Variants in CDKL4 observed in about 807,000 individuals in gnomAD.
CDKL4 encodes cyclin-dependent kinase-like 4.
Under a neutral mutation model 42.0 loss-of-function variants are expected in CDKL4, and 44 were observed. The observed-to-expected ratio is 1.05, with a 90% CI of 0.82 to 1.35. The LOEUF (loss-of-function observed/expected upper bound fraction) is 1.35, where lower values mean the gene tolerates loss of function less well. CDKL4 is among the 40% of genes most tolerant of loss of function. The pLI is 0.00. For synonymous variants in CDKL4, 120 were observed against 121.6 expected (o/e 0.99, Z 0.09); for missense variants, 393 against 369.9 (o/e 1.06, Z -0.51).
chr2:39,169,543 A>T, the CDKL4 span, among the ~76,000 whole-genome samples: 1 of 152,184 alleles, frequency 6.6e-6, no homozygotes, highest in Admixed American at 6.5e-5. Context: ...GTAGTGGGAG[A>T]TATGACCAGG....
At chr2:39,219,404 CTTATTTAT>C (rs35984945) in intron 3 of CDKL4, among the ~76,000 whole-genome samples, 2,903 of 148,514 alleles carry the variant, frequency 0.02, 53 homozygotes, top group Non-Finnish European at 0.031. Flanking sequence ...GAAACAGGTA[CTTATTTAT>C]TTATTTATTT....
chr2:39,219,174 T>C (rs1026994594), intron 3 of CDKL4, among the ~76,000 whole-genome samples: 1 of 152,204 alleles, frequency 6.6e-6, no homozygotes, highest in Non-Finnish European at 1.5e-5. Flanking sequence ...AGAAATTTTA[T>C]AAACTAAAAC....
intron 2 of CDKL4, among the ~76,000 whole-genome samples, chr2:39,226,446 T>TATATATATATTATATATATA (rs1491107462): frequency 1.9e-3 from 181 of 94,892 alleles, no homozygotes; most frequent in Non-Finnish European, 4.4e-3. Flanking sequence ...TTATATATAT[T>TATATATATATTATATATATA]ATATATATAT....
intron 8 of CDKL4, among the ~76,000 whole-genome samples, chr2:39,183,259 C>T (rs1413186253): frequency 1.7e-5 from 1 of 60,408 alleles, no homozygotes; most frequent in Non-Finnish European, 3.0e-5. Context: ...CAGAGCAAGA[C>T]TCTGTCTCAA....
chr2:39,201,315 A>C (rs1409179229), intron 5 of CDKL4, among the ~76,000 whole-genome samples: 1 of 151,506 alleles, frequency 6.6e-6, no homozygotes, highest in African/African-American at 2.4e-5. Context: ...AAAAAAAAAA[A>C]AACTACAGAT....
chr2:39,238,880 T>A (rs1679503845), intron 1 of CDKL4, among the ~76,000 whole-genome samples: 1 of 152,178 alleles, frequency 6.6e-6, no homozygotes, highest in Non-Finnish European at 1.5e-5. Flanking sequence ...GTCTCCCAAG[T>A]AGCTGGGATT....
chr2:39,217,416 G>A (rs1214052275), intron 3 of CDKL4, among the ~76,000 whole-genome samples: 1 of 152,134 alleles, frequency 6.6e-6, no homozygotes, highest in Admixed American at 6.6e-5. Flanking sequence ...ACCACTCAGA[G>A]GAAGACCTGA....
At chr2:39,235,147 G>A (rs1007592817) in intron 1 of CDKL4, among the ~76,000 whole-genome samples, 2 of 151,966 alleles carry the variant, frequency 1.3e-5, no homozygotes, top group African/African-American at 4.8e-5. Flanking sequence ...CAAAATGTTG[G>A]GATTATAGGC....
chr2:39,182,798 C>T (rs939704407), intron 8 of CDKL4, among the ~76,000 whole-genome samples: 6 of 152,166 alleles, frequency 3.9e-5, no homozygotes, highest in African/African-American at 1.4e-4. Flanking sequence ...AAAGATTGTG[C>T]TCATGGTCTC....
chr2:39,215,486 A>C (rs1677861703), intron 3 of CDKL4, among the ~76,000 whole-genome samples: 1 of 152,228 alleles, frequency 6.6e-6, no homozygotes, highest in Non-Finnish European at 1.5e-5. Context: ...CTGAAACATA[A>C]GAGTTTCTTT....
the CDKL4 span, among the ~76,000 whole-genome samples, chr2:39,168,600 T>C: frequency 6.6e-6 from 1 of 151,604 alleles, no homozygotes; most frequent in Admixed American, 6.6e-5. Context: ...CTGGGTGTGG[T>C]GGCTCATATC....
chr2:39,185,231 CGTATATATACATATAT>C (rs1675678890), intron 7 of CDKL4, among the ~76,000 whole-genome samples: 1 of 4,494 alleles, frequency 2.2e-4, no homozygotes, highest in Admixed American at 1.5e-3. Context: ...TATACACATA[CGTATATATACATATAT>C]ACACATATGT....
intron 1 of CDKL4, among the ~76,000 whole-genome samples, chr2:39,237,217 G>A (rs1679420608): frequency 6.6e-6 from 1 of 152,136 alleles, no homozygotes; most frequent in Non-Finnish European, 1.5e-5. Flanking sequence ...GTGACTCTGT[G>A]GGACTTATCT....
intron 3 of CDKL4, 68 bp from the exon 4 acceptor site, chr2:39,213,540 T>C (rs189347012): frequency 8.5e-6 from 9 of 1,062,586 alleles, no homozygotes; most frequent in African/African-American, 1.6e-5. Flanking sequence ...GGGCTGGGAA[T>C]AGAAGTGGAG....
intron 5 of CDKL4, among the ~76,000 whole-genome samples, chr2:39,198,875 C>A (rs1321489298): frequency 6.6e-6 from 1 of 151,880 alleles, no homozygotes; most frequent in Admixed American, 6.6e-5. Context: ...ATGCCTACAT[C>A]AAAAAGTCTG....
intron 5 of CDKL4, among the ~76,000 whole-genome samples, chr2:39,193,829 A>T (rs1024090202): frequency 6.6e-6 from 1 of 151,946 alleles, no homozygotes; most frequent in Admixed American, 6.5e-5. Flanking sequence ...GTGTGCAGCT[A>T]TGTGTTCTTT....
intron 5 of CDKL4, 54 bp from the exon 6 acceptor site, chr2:39,190,556 C>CAGT: frequency 6.9e-7 from 1 of 1,458,896 alleles, no homozygotes; most frequent in Middle Eastern, 1.8e-4. Flanking sequence ...ATGTGAACTG[C>CAGT]TCCCAAGAAC....
At chr2:39,196,181 C>A (rs576933657) in intron 5 of CDKL4, among the ~76,000 whole-genome samples, 1 of 152,096 alleles carries the variant, frequency 6.6e-6, no homozygotes, top group African/African-American at 2.4e-5. Flanking sequence ...AAAACTAGTG[C>A]GCATAACAAA....
intron 7 of CDKL4, among the ~76,000 whole-genome samples, chr2:39,185,153 TATATAC>T (rs1675655377): frequency 7.3e-6 from 1 of 137,316 alleles, no homozygotes; most frequent in South Asian, 2.2e-4. Context: ...TATGTGTATA[TATATAC>T]ACATATGTAT....
Sources: allele counts gnomAD v4.1 joint callset (sites outside exome capture counted in the v4.1 genomes callset), GRCh38; gene constraint gnomAD v4.1.1; transcripts MANE v1.5; gene names NCBI Gene and HGNC (gene_info 2026-07-23, HGNC 2026-07-21).